TSEN2: variants seen among roughly 807,000 people sequenced by gnomAD.
TSEN2 encodes tRNA-splicing endonuclease subunit Sen2.
A neutral mutation model predicts 59.2 loss-of-function variants in TSEN2; 54 were observed. The ratio of observed to expected loss-of-function variants is 0.91; its 90% CI spans 0.73 to 1.14. The LOEUF is 1.14. TSEN2 is among the 50% of genes most tolerant of loss of function. The pLI, the probability that TSEN2 is intolerant of heterozygous loss-of-function variation, is 0.00. For synonymous variants in TSEN2, 195 were observed against 198.2 expected, an observed-to-expected ratio of 0.98 and a Z score of 0.14; for missense variants, 636 against 576.2, an observed-to-expected ratio of 1.10 and a Z score of -1.06.
downstream of TSEN2, among the ~76,000 whole-genome samples, chr3:12,538,493 A>G (rs1416991072): frequency 1.3e-5 from 2 of 151,910 alleles, no homozygotes; most frequent in Admixed American, 6.6e-5. Flanking sequence ...CATTTAGTTT[A>G]ATTTGGAACT....
At chr3:12,536,571 G>A (rs1317535127), downstream of TSEN2, among the ~76,000 whole-genome samples, 3 of 152,158 alleles carry the variant, frequency 2.0e-5, no homozygotes, top group South Asian at 2.1e-4. Flanking sequence ...TAGCTGGTAC[G>A]ATAAAGGAAA....
intron 1 of TSEN2, among the ~76,000 whole-genome samples, chr3:12,486,245 T>TA (rs902092471): frequency 4.6e-5 from 7 of 152,222 alleles, no homozygotes; most frequent in African/African-American, 1.7e-4. Context: ...TCCCACCTCT[T>TA]ACAGCATGCT....
downstream of TSEN2, among the ~76,000 whole-genome samples, chr3:12,534,801 C>A: frequency 8.7e-6 from 1 of 114,516 alleles, no homozygotes. Context: ...GAGACTCTGT[C>A]TCAAAAAAAA....
chr3:12,516,446 ATGTGTGTGTGTGTGTGTGTG>A (rs68107346), intron 6 of TSEN2, among the ~76,000 whole-genome samples, 145 bp from the exon 7 acceptor site: 2 of 126,558 alleles, frequency 1.6e-5, no homozygotes, highest in South Asian at 2.3e-4. Flanking sequence ...AACAAAATAT[ATGTGTGTGTGTGTGTGTGTG>A]TGTGTGTGTG....
intron 9 of TSEN2, 87 bp from the exon 10 acceptor site, chr3:12,529,675 G>A: frequency 1.6e-6 from 2 of 1,213,940 alleles, no homozygotes; most frequent in Non-Finnish European, 2.4e-6. Context: ...TTCATTTTCT[G>A]TATATTTGTT....
At chr3:12,495,726 A>G (rs902481872) in intron 3 of TSEN2, among the ~76,000 whole-genome samples, 2 of 152,316 alleles carry the variant, frequency 1.3e-5, no homozygotes, top group African/African-American at 4.8e-5. Flanking sequence ...GCTGAACATC[A>G]TCTCTTCCAA....
At chr3:12,517,233 C>T (rs982934031) in intron 7 of TSEN2, among the ~76,000 whole-genome samples, 2 of 151,764 alleles carry the variant, frequency 1.3e-5, no homozygotes, top group African/African-American at 2.4e-5. Context: ...TGGCATGCGC[C>T]TGTAGTTCCA....
chr3:12,524,320 G>A (rs114839183), intron 8 of TSEN2, among the ~76,000 whole-genome samples: 1,883 of 152,270 alleles, frequency 0.012, 34 homozygotes, highest in African/African-American at 0.043. Flanking sequence ...CACAAATTGG[G>A]TGGCTTAAAA....
chr3:12,496,092 T>C (rs2053719251), intron 3 of TSEN2, among the ~76,000 whole-genome samples: 1 of 152,228 alleles, frequency 6.6e-6, no homozygotes, highest in Non-Finnish European at 1.5e-5. Context: ...TGCAATCAAG[T>C]TCACTTTTCC....
At chr3:12,521,885 C>T (rs2056668634) in intron 8 of TSEN2, among the ~76,000 whole-genome samples, 1 of 151,980 alleles carries the variant, frequency 6.6e-6, no homozygotes, top group Admixed American at 6.6e-5. Flanking sequence ...GTGGCAGGTG[C>T]CTGTAGTCCC....
intron 1 of TSEN2, 57 bp downstream of exon 1, chr3:12,484,937 T>C (rs1478703956): frequency 6.6e-6 from 1 of 152,162 alleles, no homozygotes; most frequent in Non-Finnish European, 1.5e-5. Context: ...GTGCGCAGTT[T>C]ATTTTATTTG....
rs373273746 is a variant in TSEN2 at position 12,503,480 on chromosome 3, A to G, written c.527A>G (p.Asp176Gly). ...GAGAGACCTTCTGTGGTAAACGGGG[A>G]CTCTGGAAAGTCAGGTGGTGTGGGT... ...GGERPSVVNG[D>G]SGKSGGVGDP... Residue 176 changes from aspartate to glycine, a missense_variant, in exon 5 of 12, where the codon GAC (aspartate) becomes GGC (glycine). Physicochemically the swap from Asp to Gly is moderately conservative, Grantham distance 94. Transcript: ENST00000284995. 4.4e-5 allele frequency: 71 copies of G among 1,613,886 alleles called. No individual in the cohort carries two copies. The highest frequency in any genetic ancestry group is 5.6e-5 in the Non-Finnish European group (66 of 1,180,000).
At position 12,519,104 on chromosome 3, in the gene TSEN2, C is replaced by G. The variant is rs750527655; in HGVS notation, c.1006C>G (p.Gln336Glu). 1.2e-6 allele frequency: 2 copies of G among 1,614,094 alleles called. No homozygotes were observed. The highest frequency in any genetic ancestry group is 1.7e-5 in the Admixed American group (1 of 60,006). Residue 336 changes from glutamine to glutamate, a missense_variant, in exon 8 of 12, where the codon CAG becomes GAG. Transcript: ENST00000284995. ...VKLWKAFTVV[Q>E]PTFRTTYMAY... ...GCTCTGGAAAGCTTTCACTGTAGTT[C>G]AGCCCACGTTCAGAACCACCTACAT... is the stretch of plus-strand genomic sequence containing the variant.
At chr3:12,490,587 A>T (rs1286305084) in intron 2 of TSEN2, among the ~76,000 whole-genome samples, 3 of 152,204 alleles carry the variant, frequency 2.0e-5, no homozygotes, top group Non-Finnish European at 4.4e-5. Context: ...GGGCATTTTT[A>T]AAAAACAGCT....
chr3:12,503,848 G>A (rs910476380), intron 5 of TSEN2, 64 bp downstream of exon 5: 1 of 1,563,460 alleles, frequency 6.4e-7, no homozygotes, highest in South Asian at 1.2e-5. Context: ...TTGGCTAATA[G>A]GGATGTCTTT....
chr3:12,489,715 T>G (rs1439248677), intron 1 of TSEN2, 69 bp from the exon 2 acceptor site: 5 of 1,319,758 alleles, frequency 3.8e-6, no homozygotes, highest in East Asian at 4.9e-5. Flanking sequence ...GGTACAGATG[T>G]ACTCACATTT....
In TSEN2 at chr3:12,529,765, TTCTG is replaced by T. The variant is rs751777371; in HGVS notation, c.1143_1146del (p.Val382LeufsTer4). 6.2e-7 allele frequency: 1 copy of T among 1,613,900 alleles called. No individual in the cohort carries two copies. Among genetic ancestry groups the T allele is most frequent in the Non-Finnish European group, 8.5e-7 (1 of 1,179,796 alleles). ...ATGCTTTTTCTGTATTTTCCAGTTA[TTCTG>T]TCATTATCGAGCTAGTTGATGACCA... On this transcript the variant is annotated frameshift_variant, in exon 10 of 12. Coordinates refer to ENST00000284995, the MANE Select transcript of TSEN2 (RefSeq NM_025265.4). LOFTEE classifies it high-confidence loss of function.
intron 6 of TSEN2, among the ~76,000 whole-genome samples, chr3:12,510,002 C>T (rs1231235215): frequency 1.3e-5 from 2 of 152,214 alleles, no homozygotes; most frequent in East Asian, 1.9e-4. Context: ...CTCATGTGTC[C>T]TTCTCCCCAA....
intron 4 of TSEN2, among the ~76,000 whole-genome samples, chr3:12,498,831 CTT>C (rs2054010073): frequency 6.6e-6 from 1 of 152,310 alleles, no homozygotes; most frequent in African/African-American, 2.4e-5. Flanking sequence ...GTTCACAACA[CTT>C]GGAATCACAA....
Sources: allele counts gnomAD v4.1 joint callset (sites outside exome capture counted in the v4.1 genomes callset), GRCh38; gene constraint gnomAD v4.1.1; transcripts MANE v1.5; gene names NCBI Gene and HGNC (gene_info 2026-07-23, HGNC 2026-07-21).